Variants in EVC2 observed in about 807,000 individuals in gnomAD.
The protein encoded by EVC2 is limbin.
In EVC2, 148 loss-of-function variants were observed where a neutral mutation model predicts 149.3. The observed-to-expected ratio is 0.99, with a 90% confidence interval of 0.87 to 1.14. The LOEUF (loss-of-function observed/expected upper bound fraction) is 1.14, where lower values mean the gene tolerates loss of function less well. Ranked by LOEUF, EVC2 falls within the 50% of genes most tolerant of loss-of-function variation. EVC2 has a pLI of 0.00. For synonymous variants in EVC2, 776 were observed against 649.9 expected, an observed-to-expected ratio of 1.19 and a Z score of -2.95; for missense variants, 1,854 against 1,627.3, an observed-to-expected ratio of 1.14 and a Z score of -2.40.
intron 9 of EVC2, among the ~76,000 whole-genome samples, chr4:5,648,316 T>C (rs1164832251): frequency 1.3e-5 from 2 of 152,222 alleles, no homozygotes; most frequent in Admixed American, 6.5e-5. Flanking sequence ...CTAAGATTCA[T>C]ATTGTGGTAA....
intron 17 of EVC2, among the ~76,000 whole-genome samples, chr4:5,583,904 C>A (rs1712035010): frequency 6.7e-6 from 1 of 150,244 alleles, no homozygotes; most frequent in African/African-American, 2.4e-5. Flanking sequence ...CTCACCCAGG[C>A]TGGAGTGTAG....
At chr4:5,651,015 G>C (rs1718105185) in intron 9 of EVC2, among the ~76,000 whole-genome samples, 1 of 152,146 alleles carries the variant, frequency 6.6e-6, no homozygotes, top group Non-Finnish European at 1.5e-5. Flanking sequence ...GGGGAAACAT[G>C]ATAAACACGT....
intron 17 of EVC2, among the ~76,000 whole-genome samples, chr4:5,581,028 C>T (rs1711719163): frequency 6.6e-6 from 1 of 152,216 alleles, no homozygotes; most frequent in African/African-American, 2.4e-5. Context: ...TTTCCCTCTG[C>T]CTTCTGCCAT....
At chr4:5,549,848 G>A (rs1721699475) in intron 21 of EVC2, among the ~76,000 whole-genome samples, 1 of 152,152 alleles carries the variant, frequency 6.6e-6, no homozygotes, top group Admixed American at 6.5e-5. Context: ...ACATGTTGTG[G>A]GAGGTAATTG....
chr4:5,650,636 TATAG>T (rs1382957865), intron 9 of EVC2, among the ~76,000 whole-genome samples: 331 of 55,518 alleles, frequency 6.0e-3, no homozygotes, highest in Middle Eastern at 0.011. Context: ...TATATATATA[TATAG>T]AGAGAGAGAG....
chr4:5,653,206 A>C (rs1718268356), intron 9 of EVC2, among the ~76,000 whole-genome samples: 1 of 152,180 alleles, frequency 6.6e-6, no homozygotes, highest in Non-Finnish European at 1.5e-5. Context: ...GTGAGGTTAC[A>C]ACTGCAAAGA....
At chr4:5,617,977 G>A (rs61275335) in intron 15 of EVC2, among the ~76,000 whole-genome samples, 6,895 of 152,194 alleles carry the variant, frequency 0.045, 412 homozygotes, top group African/African-American at 0.14. Context: ...GTCTGCCCTC[G>A]GGCACATAAT....
chr4:5,666,454 T>C (rs1196055865), intron 7 of EVC2, among the ~76,000 whole-genome samples: 2 of 152,212 alleles, frequency 1.3e-5, no homozygotes, highest in Non-Finnish European at 2.9e-5. Flanking sequence ...CAAATCAGGC[T>C]ACATTTTTAG....
intron 3 of EVC2, among the ~76,000 whole-genome samples, chr4:5,693,721 C>T (rs34781287): frequency 0.16 from 23,727 of 152,242 alleles, 2,285 homozygotes; most frequent in East Asian, 0.31. Context: ...TCTTGGCCAT[C>T]GTAGCTCATT....
intron 16 of EVC2, among the ~76,000 whole-genome samples, chr4:5,592,097 C>A (rs1329236981): frequency 6.6e-6 from 1 of 152,176 alleles, no homozygotes; most frequent in East Asian, 1.9e-4. Flanking sequence ...CAACTAGATG[C>A]AAGGGTGAGC....
chr4:5,646,934 T>C (rs1254927624), intron 9 of EVC2, among the ~76,000 whole-genome samples: 1 of 152,200 alleles, frequency 6.6e-6, no homozygotes, highest in Non-Finnish European at 1.5e-5. Context: ...TGTACCTCCC[T>C]GAGGAAAATG....
At chr4:5,700,157 A>G (rs2151742312) in intron 1 of EVC2, among the ~76,000 whole-genome samples, 1 of 152,308 alleles carries the variant, frequency 6.6e-6, no homozygotes, top group African/African-American at 2.4e-5. Context: ...ATAAAAATAA[A>G]AATAAAGAAA....
intron 14 of EVC2, among the ~76,000 whole-genome samples, chr4:5,621,613 C>A (rs936817426): frequency 6.6e-6 from 1 of 152,218 alleles, no homozygotes; most frequent in Non-Finnish European, 1.5e-5. Context: ...CCTTCCTGGG[C>A]TAGGCCAAAT....
intron 21 of EVC2, among the ~76,000 whole-genome samples, chr4:5,564,965 G>A (rs1357607241): frequency 6.6e-6 from 1 of 152,228 alleles, no homozygotes; most frequent in African/African-American, 2.4e-5. Flanking sequence ...TTTGTGAACA[G>A]TAGCTATAAG....
rs1172114188 is a variant in EVC2 at position 5,567,976 on chromosome 4, T to C, written c.3557+468A>G. On this transcript the variant is annotated intron_variant, in intron 20 of 21. Transcript: ENST00000344408. The surrounding 1 kb of genome is among the most constrained non-coding windows in gnomAD (Gnocchi z 4.4). Reference sequence around the variant, plus strand: ...TCGCTTCTGCTGTAAGATTCTGAAATGCAGAATGTAGCAAGGCTGTATCCA... The same window carrying C: ...TCGCTTCTGCTGTAAGATTCTGAAACGCAGAATGTAGCAAGGCTGTATCCA... Among the ~76,000 whole-genome samples the C allele has an allele frequency of 6.6e-6, 1 of 152,214 alleles. No homozygotes were observed. Among genetic ancestry groups the C allele is most frequent in the Non-Finnish European group, 1.5e-5 (1 of 68,038 alleles).
intron 9 of EVC2, among the ~76,000 whole-genome samples, chr4:5,658,719 T>C (rs555432873): frequency 3.9e-4 from 59 of 152,346 alleles, no homozygotes; most frequent in African/African-American, 1.3e-3. Context: ...CTAAGCCAAA[T>C]CCATTACTAC....
chr4:5,691,386 A>C, intron 3 of EVC2, 53 bp from the exon 4 acceptor site: 1 of 1,406,620 alleles, frequency 7.1e-7, no homozygotes, highest in South Asian at 1.2e-5. Flanking sequence ...CATGCTATAC[A>C]TATTTAATAA....
At position 5,615,557 on chromosome 4, in the gene EVC2, T is replaced by A. The variant is rs146588799; in HGVS notation, c.2707-13A>T. On this transcript the variant is annotated splice_polypyrimidine_tract_variant and intron_variant, in intron 15 of 21. Coordinates refer to ENST00000344408, the MANE Select transcript of EVC2 (RefSeq NM_147127.5). ...CCTTGGACTGTTGCTGGAGAGGGGT[T>A]GGGGAAGACGTGGGTAAGAAGGCAA... The A allele has an allele frequency of 2.2e-4, 362 of 1,614,076 alleles. 4 individuals are homozygous for A. In the African/African-American group the frequency reaches 3.8e-3, roughly 17 times the overall value.
downstream of EVC2, among the ~76,000 whole-genome samples, chr4:5,538,208 T>C (rs12508329): frequency 6.6e-6 from 1 of 152,106 alleles, no homozygotes; most frequent in Admixed American, 6.5e-5. Context: ...ATGAACAGCT[T>C]TATGCCAGTA....
Sources: gnomAD v4.1 joint callset for allele counts (sites outside exome capture counted in the v4.1 genomes callset) on GRCh38, gnomAD v4.1.1 for gene constraint, Gnocchi (gnomAD v3.1) non-coding constraint, MANE v1.5 for transcripts, NCBI Gene and HGNC (gene_info 2026-07-23, HGNC 2026-07-21) for gene names.